The following TTYH1 variants were observed in gnomAD, a reference collection of about 807,000 sequenced individuals.
TTYH1 encodes the protein tweety family member 1, also known as protein tweety homolog 1.
A neutral mutation model predicts 61.2 loss-of-function variants in TTYH1; 33 were observed. The ratio of observed to expected loss-of-function variants is 0.54; its 90% confidence interval spans 0.41 to 0.72. TTYH1 has a LOEUF of 0.72. Ranked by LOEUF, TTYH1 falls within the 30% of genes least tolerant of loss-of-function variation. The pLI, the probability that TTYH1 is intolerant of heterozygous loss-of-function variation, is 0.00. For missense variants in TTYH1, 538 were observed against 575.8 expected, an observed-to-expected ratio of 0.93 and a Z score of 0.67; for synonymous variants, 308 against 266.4, an observed-to-expected ratio of 1.16 and a Z score of -1.52.
Position 54,435,852 on chromosome 19 carries a change from T to C in TTYH1, c.1293T>C (p.Asp431=), listed in dbSNP as rs1569270685. The part of the protein sequence containing the change: ...PPSDDYDDTD[D]DDPFNPQESK... ...GTGACGACTACGATGACACAGACGATGACGACCCTTTCAACCCTCAGGTAC... is the reference window on the plus strand; with the variant it reads ...GTGACGACTACGATGACACAGACGACGACGACCCTTTCAACCCTCAGGTAC... The change falls in exon 12 of 14, where the codon GAT becomes GAC. Residue 431 remains aspartate (D), a synonymous_variant. Transcript: ENST00000376530. The C allele has an allele frequency of 1.9e-6, 3 of 1,612,638 alleles. No homozygotes were observed. Among genetic ancestry groups the C allele is most frequent in the Non-Finnish European group, 2.5e-6 (3 of 1,179,974 alleles).
At chr19:54,424,082 A>C (rs2083274507) in intron 4 of TTYH1, among the ~76,000 whole-genome samples, 1 of 151,694 alleles carries the variant, frequency 6.6e-6, no homozygotes, top group African/African-American at 2.4e-5. Flanking sequence ...AATCGCTTGA[A>C]CCCAGGAAGT....
rs1277317897 is a variant in TTYH1 at position 54,429,389 on chromosome 19, A to G, written c.807+10A>G. ...GGCAGCCACGGCCGTGGTGAGTGCC[A>G]GGGCCGGGCCATTGGGCTCTGGGAC... On this transcript the variant is annotated intron_variant, in intron 6 of 13. Coordinates refer to ENST00000376530, the MANE Select transcript of TTYH1 (RefSeq NM_020659.4). This position sits in a 1 kb window ranked among gnomAD's most constrained non-coding sequence, Gnocchi z 5.1. The G allele has an allele frequency of 1.2e-6, 2 of 1,613,340 alleles. No individual in the cohort carries two copies. Among genetic ancestry groups the G allele is most frequent in the South Asian group, 2.2e-5 (2 of 91,054 alleles).
chr19:54,421,797 G>A lies in TTYH1; in HGVS notation c.418-393G>A, dbSNP rs1003493335. Among the ~76,000 whole-genome samples, 2 of 152,114 alleles carry A rather than the reference G, an allele frequency of 1.3e-5. No individual in the cohort carries two copies. Among genetic ancestry groups the A allele is most frequent in the South Asian group, 4.1e-4 (2 of 4,820 alleles). ...CAGCTCCAGGATTCTGGGCCCTGGG[G>A]CTGAGGCCTGGCCCCACTTCATGCC... On this transcript the variant is annotated intron_variant, in intron 3 of 13. Transcript: ENST00000376530. This position sits in a 1 kb window ranked among gnomAD's most constrained non-coding sequence, Gnocchi z 4.8.
rs368929675 is a variant in TTYH1 at position 54,420,386 on chromosome 19, G to A, written c.306-891G>A. Among the ~76,000 whole-genome samples the A allele has an allele frequency of 7.9e-5, 12 of 152,264 alleles. No homozygotes were observed. In the South Asian group the frequency reaches 1.2e-3, roughly 16 times the overall value. On this transcript the variant is annotated intron_variant, in intron 2 of 13. Transcript: ENST00000376530. The surrounding 1 kb of genome is among the most constrained non-coding windows in gnomAD (Gnocchi z 4.8). ...CAAAGGCCCAGTGGGGGAGAGACAC[G>A]GCCCCAGCCCCCGCAGCCTGGGAAC...
At chr19:54,424,047 G>A (rs577429509) in intron 4 of TTYH1, among the ~76,000 whole-genome samples, 82 of 152,176 alleles carry the variant, frequency 5.4e-4, no homozygotes, top group African/African-American at 1.9e-3. Context: ...TGTAGTCCCA[G>A]CTACTTGGGA....
chr19:54,416,025 TC>T lies in TTYH1; in HGVS notation c.126+349del. The T allele has an allele frequency of 7.6e-7, 1 of 1,324,328 alleles. No homozygotes were observed. Among genetic ancestry groups the T allele is most frequent in the Admixed American group, 2.3e-5 (1 of 44,044 alleles). The allele number at this position is 1,324,328 out of a possible 1,614,324, so 82.0% of individuals were successfully genotyped here. A position where few individuals can be genotyped will look rare whatever the true frequency, so the allele number is the denominator to read the frequency against. On this transcript the variant is annotated intron_variant, in intron 1 of 13. Transcript: ENST00000376530. The surrounding 1 kb of genome is among the most constrained non-coding windows in gnomAD (Gnocchi z 7.0). ...GTCATCGGGAGGGTAGGTCTACTCT[TC>T]CTGCCCTAAAAGATGACCCTGCCCC...
In TTYH1 at chr19:54,422,330, G is replaced by T. The variant is rs888894768; in HGVS notation, c.558G>T (p.Leu186=). 2 of 1,569,014 alleles carry T rather than the reference G, an allele frequency of 1.3e-6. No individual in the cohort carries two copies. Among genetic ancestry groups the T allele is most frequent in the East Asian group, 2.3e-5 (1 of 42,832 alleles). ...RRQAEAAAQQ[L]QGLAFWQGVP... ...AGGCGGAGGCTGCGGCCCAGCAGCTGCAGGGGCTGGCCTTCTGGCAGGGAG... is the reference window on the plus strand; with the variant it reads ...AGGCGGAGGCTGCGGCCCAGCAGCTTCAGGGGCTGGCCTTCTGGCAGGGAG... Residue 186 remains leucine, a synonymous_variant, in exon 4 of 14, where the codon CTG becomes CTT. Transcript: ENST00000376530.
chr19:54,427,563 C>T (rs1380659360), intron 5 of TTYH1, among the ~76,000 whole-genome samples: 1 of 151,556 alleles, frequency 6.6e-6, no homozygotes, highest in Non-Finnish European at 1.5e-5. Flanking sequence ...GAGATTGCAC[C>T]ACTGCACTCC....
At position 54,430,908 on chromosome 19, in the gene TTYH1, C is replaced by T; in HGVS notation, c.1032+3C>T. 1 of 1,611,916 alleles carries T rather than the reference C, an allele frequency of 6.2e-7. No individual in the cohort carries two copies. Among genetic ancestry groups the T allele is most frequent in the Non-Finnish European group, 8.5e-7 (1 of 1,179,814 alleles). The stretch of plus-strand genomic sequence containing the variant: ...TGCCTCAGTTCCCTTCAGCGCAGGT[C>T]GGTGGGTGGGCGCTCCCCAGACACG... On this transcript the variant is annotated splice_donor_region_variant and intron_variant, in intron 9 of 13. Coordinates refer to ENST00000376530, the MANE Select transcript of TTYH1 (RefSeq NM_020659.4).
chr19:54,431,041 C>A, intron 9 of TTYH1, 58 bp from the exon 10 acceptor site: 1 of 1,523,830 alleles, frequency 6.6e-7, no homozygotes, highest in East Asian at 2.3e-5. Flanking sequence ...AGGGCGGGGC[C>A]AGGGCGATGG....
Position 54,419,556 on chromosome 19 carries a change from G to A in TTYH1, c.305+250G>A. On this transcript the variant is annotated intron_variant, in intron 2 of 13. Coordinates refer to ENST00000376530, the MANE Select transcript of TTYH1 (RefSeq NM_020659.4). This position sits in a 1 kb window ranked among gnomAD's most constrained non-coding sequence, Gnocchi z 6.1. ...GGCAGCCATCTGGTGAGAAGGCGCAGGGGCAGTCAGATGGCCTGGTTTTGG... is the reference window on the plus strand; with the variant it reads ...GGCAGCCATCTGGTGAGAAGGCGCAAGGGCAGTCAGATGGCCTGGTTTTGG... 1 of 691,170 alleles carries A rather than the reference G, an allele frequency of 1.4e-6. No homozygotes were observed. Among genetic ancestry groups the A allele is most frequent in the Non-Finnish European group, 2.6e-6 (1 of 378,868 alleles). 42.8% of individuals were successfully genotyped at this position (691,170 alleles called of 1,614,324 possible).
chr19:54,436,656 A>C lies in TTYH1; in HGVS notation c.*366A>C. 1.7e-5 allele frequency: 9 copies of C among 521,474 alleles called. No homozygotes were observed. The highest frequency in any genetic ancestry group is 3.8e-5 in the African/African-American group (2 of 52,744). 32.3% of individuals were successfully genotyped at this position (521,474 alleles called of 1,614,324 possible). Reference sequence around the variant, plus strand: ...CAGTGGGCTCTGACCCCCTGATCTCAACTCGTGGCACTAACTTGGAAAAGG... The same window carrying C: ...CAGTGGGCTCTGACCCCCTGATCTCCACTCGTGGCACTAACTTGGAAAAGG... On this transcript the variant is annotated 3_prime_UTR_variant, in exon 14 of 14. Coordinates refer to ENST00000376530, the MANE Select transcript of TTYH1 (RefSeq NM_020659.4). This position sits in a 1 kb window ranked among gnomAD's most constrained non-coding sequence, Gnocchi z 4.3.
At position 54,419,648 on chromosome 19, in the gene TTYH1, A is replaced by G. The variant is rs35134302; in HGVS notation, c.305+342A>G. On this transcript the variant is annotated intron_variant, in intron 2 of 13. Transcript: ENST00000376530. This position sits in a 1 kb window ranked among gnomAD's most constrained non-coding sequence, Gnocchi z 6.1. ...AGTCTCCCTGGGCCTCAATTTCCAC[A>G]TCTGTAAACTGGGCATTATCATCTC... 0.27 allele frequency: 154,097 copies of G among 567,270 alleles called. 21,898 individuals carry two copies. The highest frequency in any genetic ancestry group is 0.33 in the Middle Eastern group (1,199 of 3,640). The allele number at this position is 567,270 out of a possible 1,614,324, so 35.1% of individuals were successfully genotyped here.
rs1449465611 is a variant in TTYH1 at position 54,421,391 on chromosome 19, G to A, written c.417+3G>A. 1.2e-6 allele frequency: 2 copies of A among 1,607,632 alleles called. No individual in the cohort carries two copies. Among genetic ancestry groups the A allele is most frequent in the Non-Finnish European group, 1.7e-6 (2 of 1,174,384 alleles). ...CACTCAGCACCATTGACCACCTGGT[G>A]AGGGGCCAGCAACCAGTGGGACCCC... On this transcript the variant is annotated splice_donor_region_variant and intron_variant, in intron 3 of 13. Coordinates refer to ENST00000376530, the MANE Select transcript of TTYH1 (RefSeq NM_020659.4). The surrounding 1 kb of genome is among the most constrained non-coding windows in gnomAD (Gnocchi z 4.8).
At position 54,433,777 on chromosome 19, in the gene TTYH1, C is replaced by T. The variant is rs2083486302; in HGVS notation, c.1126-1765C>T. ...GATGAAGGAGGGAGGGCACTGGAGC[C>T]TAAGAGAATCAGCTCCAATATCGCT... On this transcript the variant is annotated intron_variant, in intron 10 of 13. Coordinates refer to ENST00000376530, the MANE Select transcript of TTYH1 (RefSeq NM_020659.4). The T allele has an allele frequency of 2.0e-5, 3 of 152,006 alleles. No individual in the cohort carries two copies. The South Asian group carries it at 6.3e-4, about 32-fold the overall frequency. 9.4% of individuals were successfully genotyped at this position (152,006 alleles called of 1,614,324 possible). A position where few individuals can be genotyped will look rare whatever the true frequency, so the allele number is the denominator to read the frequency against.
Position 54,431,139 on chromosome 19 carries a change from A to C in TTYH1, c.1073A>C (p.Glu358Ala). 6.2e-7 allele frequency: 1 copy of C among 1,613,968 alleles called. No homozygotes were observed. The highest frequency in any genetic ancestry group is 1.1e-5 in the South Asian group (1 of 91,074). ...LSLEETLNVT[E>A]GNFHQLVALL... The stretch of plus-strand genomic sequence containing the variant: ...TTGGAGGAGACTCTGAATGTGACAG[A>C]AGGAAATTTCCACCAGTTGGTGGCA... Residue 358 changes from glutamate to alanine, a missense_variant, in exon 10 of 14, where the codon GAA becomes GCA. This residue lies in a region of TTYH1 where 378 missense variants were observed against 401.2 expected (regional missense o/e 0.94). Coordinates refer to ENST00000376530, the MANE Select transcript of TTYH1 (RefSeq NM_020659.4).
rs1272065733 is a variant in TTYH1 at position 54,428,667 on chromosome 19, G to A, written c.735-640G>A. On this transcript the variant is annotated intron_variant, in intron 5 of 13. Transcript: ENST00000376530. Reference sequence around the variant, plus strand: ...TGGAGGAGTCCCTGCATTCTCTCTGGCCCTGGTGGGGTGAGGCAGAGTTGA... The same window carrying A: ...TGGAGGAGTCCCTGCATTCTCTCTGACCCTGGTGGGGTGAGGCAGAGTTGA... Among the ~76,000 whole-genome samples, 3 of 152,178 alleles carry A rather than the reference G, an allele frequency of 2.0e-5. No homozygotes were observed. The East Asian group carries it at 5.8e-4, about 29-fold the overall frequency.
Position 54,419,689 on chromosome 19 carries a change from G to C in TTYH1, c.305+383G>C. 2.1e-6 allele frequency: 1 copy of C among 475,212 alleles called. No homozygotes were observed. The highest frequency in any genetic ancestry group is 4.1e-6 in the Non-Finnish European group (1 of 243,272). 29.4% of individuals were successfully genotyped at this position (475,212 alleles called of 1,614,324 possible). A position where few individuals can be genotyped will look rare whatever the true frequency, so the allele number is the denominator to read the frequency against. ...TTATCATCTCGCCCACCTCCTGCGG[G>C]GGTAAGATGGAGAGAAAGCACAGTG... is the stretch of plus-strand genomic sequence containing the variant. On this transcript the variant is annotated intron_variant, in intron 2 of 13. Transcript: ENST00000376530. The surrounding 1 kb of genome is among the most constrained non-coding windows in gnomAD (Gnocchi z 6.1).
rs3745428 is a variant in TTYH1, at chr19:54,429,125, A to T, written c.735-182A>T. Among the ~76,000 whole-genome samples, 47,337 of 151,932 alleles carry T rather than the reference A, an allele frequency of 0.31. 8,531 individuals carry two copies. The highest frequency in any genetic ancestry group is 0.53 in the East Asian group (2,739 of 5,124). ...TCATCTGGGCAGGAGCCAGATGTCC[A>T]GCTGGACATCAGCAGCCACTGGCCT... On this transcript the variant is annotated intron_variant, in intron 5 of 13. Coordinates refer to ENST00000376530, the MANE Select transcript of TTYH1 (RefSeq NM_020659.4). The surrounding 1 kb of genome is among the most constrained non-coding windows in gnomAD (Gnocchi z 5.1).
Sources: allele counts gnomAD v4.1 joint callset (sites outside exome capture counted in the v4.1 genomes callset), GRCh38; gene constraint gnomAD v4.1.1; regional missense constraint gnomAD v4.1.1; non-coding constraint Gnocchi (gnomAD v3.1); transcripts MANE v1.5; gene names NCBI Gene and HGNC (gene_info 2026-07-23, HGNC 2026-07-21).